Variants in TRMT9B observed in about 807,000 individuals in gnomAD.
TRMT9B encodes probable tRNA methyltransferase 9B.
In TRMT9B, 16 loss-of-function variants were observed where a neutral mutation model predicts 11.5. That is an observed-to-expected ratio of 1.39 (90% CI 0.94 to 2.11). The LOEUF is 2.11. TRMT9B is among the 30% of genes most tolerant of loss of function. The pLI is 0.00. For synonymous variants in TRMT9B, 274 were observed against 192.4 expected, an observed-to-expected ratio of 1.42 and a Z score of -3.51; for missense variants, 941 against 553.8, an observed-to-expected ratio of 1.70 and a Z score of -7.02.
chr8:13,003,633 G>C lies in TRMT9B; in HGVS notation c.-1-2569G>C, dbSNP rs139154079. Reference sequence around the variant, plus strand: ...AGGTCTGGTGAGGCCAGATCGGAAAGAGCCTTATGTGCCCGCCTAAGCCAG... The same window carrying C: ...AGGTCTGGTGAGGCCAGATCGGAAACAGCCTTATGTGCCCGCCTAAGCCAG... On this transcript the variant is annotated intron_variant, in intron 2 of 4. Coordinates refer to ENST00000524591, the MANE Select transcript of TRMT9B (RefSeq NM_020844.3). Among the ~76,000 whole-genome samples the C allele has an allele frequency of 2.7e-3, 415 of 151,736 alleles. 1 individual carries two copies. The highest frequency in any genetic ancestry group is 9.3e-3 in the African/African-American group (385 of 41,386).
intron 1 of TRMT9B, chr8:12,952,834 G>T (rs1012066725): frequency 4.7e-6 from 1 of 212,418 alleles, no homozygotes; most frequent in African/African-American, 2.4e-5. Flanking sequence ...CCGCCTCCCG[G>T]GTTCAAGCAA....
At position 12,960,212 on chromosome 8, in the gene TRMT9B, G is replaced by C. The variant is rs1419144786; in HGVS notation, c.-200+14246G>C. 4 of 152,164 alleles carry C rather than the reference G, an allele frequency of 2.6e-5. No individual in the cohort carries two copies. In the South Asian group the frequency reaches 6.2e-4, roughly 24 times the overall value. The allele number at this position is 152,164 out of a possible 1,614,324, so 9.4% of individuals were successfully genotyped here. On this transcript the variant is annotated intron_variant, in intron 1 of 4. Transcript: ENST00000524591. ...CTCTGAGCCAGTTTTGGCACTCTAAGGAGTCAACAGAGGAAATCTGCTCAT... is the reference window on the plus strand; with the variant it reads ...CTCTGAGCCAGTTTTGGCACTCTAACGAGTCAACAGAGGAAATCTGCTCAT...
At position 12,963,537 on chromosome 8, in the gene TRMT9B, C is replaced by T. The variant is rs1350915553; in HGVS notation, c.-200+17571C>T. On this transcript the variant is annotated intron_variant, in intron 1 of 4. Coordinates refer to ENST00000524591, the MANE Select transcript of TRMT9B (RefSeq NM_020844.3). ...GGCAGAGCTAGGCAGATCGCTTGAG[C>T]CCAGGAATTCAAGGCCAGCCTGGGC... 3.3e-5 allele frequency among the ~76,000 whole-genome samples: 5 copies of T among 152,030 alleles called. No individual in the cohort carries two copies. In the East Asian group the frequency reaches 9.6e-4, roughly 29 times the overall value.
At chr8:12,953,018 G>C (rs1383021096) in intron 1 of TRMT9B, among the ~76,000 whole-genome samples, 2 of 152,136 alleles carry the variant, frequency 1.3e-5, no homozygotes, top group African/African-American at 2.4e-5. Flanking sequence ...GATTACAGGC[G>C]TGAGCCACCG....
intron 1 of TRMT9B, among the ~76,000 whole-genome samples, chr8:12,987,818 G>GA (rs1806595574): frequency 6.6e-6 from 1 of 152,096 alleles, no homozygotes; most frequent in South Asian, 2.1e-4. Context: ...TGGCAAAAAG[G>GA]AACACTGTCA....
At chr8:12,963,796 C>G (rs1015119226) in intron 1 of TRMT9B, among the ~76,000 whole-genome samples, 4 of 152,202 alleles carry the variant, frequency 2.6e-5, no homozygotes, top group African/African-American at 4.8e-5. Context: ...TGTGCAATGG[C>G]TACTTTCATT....
intron 2 of TRMT9B, among the ~76,000 whole-genome samples, chr8:13,004,106 C>A (rs918405059): frequency 3.9e-5 from 6 of 151,950 alleles, no homozygotes; most frequent in Admixed American, 1.3e-4. Flanking sequence ...ACAGAGGGAG[C>A]ATTTAAACCA....
At chr8:12,979,830 T>C (rs766982343) in intron 1 of TRMT9B, among the ~76,000 whole-genome samples, 1 of 152,182 alleles carries the variant, frequency 6.6e-6, no homozygotes, top group Non-Finnish European at 1.5e-5. Context: ...TCTGGATATC[T>C]TAAGCAGAGA....
intron 1 of TRMT9B, among the ~76,000 whole-genome samples, chr8:12,966,183 A>G (rs1408430254): frequency 6.6e-6 from 1 of 151,946 alleles, no homozygotes; most frequent in East Asian, 1.9e-4. Context: ...TGAAAAAAAC[A>G]GTAGCCTGGC....
At position 13,023,373 on chromosome 8, in the gene TRMT9B, C is replaced by T. The variant is rs1340801897; in HGVS notation, c.*1329C>T. The T allele has an allele frequency of 6.0e-6, 1 of 166,980 alleles. No individual in the cohort carries two copies. Among genetic ancestry groups the T allele is most frequent in the African/African-American group, 2.4e-5 (1 of 41,424 alleles). The allele number at this position is 166,980 out of a possible 1,614,324, so 10.3% of individuals were successfully genotyped here. A position where few individuals can be genotyped will look rare whatever the true frequency, so the allele number is the denominator to read the frequency against. ...TGTATCCTTTAAAATAGTATCTGGG[C>T]ATTTATTTTATTGAAGGTGACTACA... On this transcript the variant is annotated 3_prime_UTR_variant, in exon 5 of 5. Coordinates refer to ENST00000524591, the MANE Select transcript of TRMT9B (RefSeq NM_020844.3).
At chr8:13,020,573 A>G (rs1175938422) in intron 4 of TRMT9B, among the ~76,000 whole-genome samples, 1 of 152,204 alleles carries the variant, frequency 6.6e-6, no homozygotes, top group Admixed American at 6.5e-5. Flanking sequence ...AGAAGTACAA[A>G]TTGTTCATTA....
At chr8:12,954,762 G>C (rs1801083393) in intron 1 of TRMT9B, among the ~76,000 whole-genome samples, 1 of 152,158 alleles carries the variant, frequency 6.6e-6, no homozygotes, top group Admixed American at 6.5e-5. Flanking sequence ...ACCTTGCATA[G>C]AACTCCTAGC....
chr8:13,012,844 C>A lies in TRMT9B; in HGVS notation c.315C>A (p.Ile105=), dbSNP rs1289449502. ...TTAGGGATGAGGGCTTCGATGCCAT[C>A]ATCTCCATAGGAGGTAAGGCAGCCA... ...LPFRDEGFDA[I]ISIGVIHHFS... is the part of the protein sequence containing the mutation. Residue 105 remains isoleucine (I), a synonymous_variant, in exon 4 of 5, where the codon ATC becomes ATA. Transcript: ENST00000524591. The A allele has an allele frequency of 1.3e-5, 21 of 1,613,708 alleles. No homozygotes were observed. The Admixed American group carries it at 3.5e-4, about 27-fold the overall frequency.
intron 2 of TRMT9B, among the ~76,000 whole-genome samples, chr8:13,003,532 G>A (rs1809848002): frequency 6.6e-6 from 1 of 152,102 alleles, no homozygotes; most frequent in African/African-American, 2.4e-5. Context: ...GAGGGAATGT[G>A]CCACCGCTGA....
chr8:12,980,707 A>T (rs1805227578), intron 1 of TRMT9B, among the ~76,000 whole-genome samples: 1 of 152,140 alleles, frequency 6.6e-6, no homozygotes, highest in African/African-American at 2.4e-5. Context: ...GACACAAGAA[A>T]AGCTTCGTGA....
chr8:12,984,511 A>G (rs1255016987), intron 1 of TRMT9B, among the ~76,000 whole-genome samples: 1 of 152,170 alleles, frequency 6.6e-6, no homozygotes, highest in Non-Finnish European at 1.5e-5. Flanking sequence ...CTTTGGGATT[A>G]CTTGTCCTCC....
intron 3 of TRMT9B, chr8:13,010,672 T>G: frequency 1.0e-6 from 1 of 984,420 alleles, no homozygotes; most frequent in Non-Finnish European, 1.2e-6. Flanking sequence ...TCTAAAGATG[T>G]ATGAGTCTGA....
Position 13,027,913 on chromosome 8 carries a change from G to A in TRMT9B, c.*5869G>A, listed in dbSNP as rs73548473. 11,199 of 167,014 alleles carry A rather than the reference G, an allele frequency of 0.067. 763 individuals are homozygous for A. Among genetic ancestry groups the A allele is most frequent in the African/African-American group, 0.18 (7,504 of 41,466 alleles). The allele number at this position is 167,014 out of a possible 1,614,324, so 10.3% of individuals were successfully genotyped here. On this transcript the variant is annotated 3_prime_UTR_variant, in exon 5 of 5. Coordinates refer to ENST00000524591, the MANE Select transcript of TRMT9B (RefSeq NM_020844.3). Reference sequence around the variant, plus strand: ...TGATTATTTAATGATTGTTTTGATAGTATAAACTCCATATCTGCAACCTCA... The same window carrying A: ...TGATTATTTAATGATTGTTTTGATAATATAAACTCCATATCTGCAACCTCA...
At chr8:13,016,520 A>T (rs1312476637) in intron 4 of TRMT9B, among the ~76,000 whole-genome samples, 1 of 151,646 alleles carries the variant, frequency 6.6e-6, no homozygotes, top group East Asian at 1.9e-4. Context: ...TAACAGGAAG[A>T]AATATATAAG....
Sources: gnomAD v4.1 joint callset for allele counts (sites outside exome capture counted in the v4.1 genomes callset) on GRCh38, gnomAD v4.1.1 for gene constraint, MANE v1.5 for transcripts, NCBI Gene and HGNC (gene_info 2026-07-23, HGNC 2026-07-21) for gene names.